The following SGCD variants were observed in gnomAD, a reference collection of about 807,000 sequenced individuals.
SGCD encodes sarcoglycan delta, also known as delta-sarcoglycan.
A neutral mutation model predicts 36.6 loss-of-function variants in SGCD; 18 were observed. The observed-to-expected ratio is 0.49, with a 90% CI of 0.34 to 0.73. The LOEUF (loss-of-function observed/expected upper bound fraction) is 0.73. Ranked by LOEUF, SGCD falls within the 30% of genes least tolerant of loss-of-function variation. The pLI is 0.01. For synonymous variants in SGCD, 133 were observed against 130.6 expected (o/e 1.02, Z -0.12); for missense variants, 387 against 346.7 (o/e 1.12, Z -0.92).
At chr5:156,312,350 T>C (rs948155951) in intron 3 of SGCD, among the ~76,000 whole-genome samples, 2 of 152,216 alleles carry the variant, frequency 1.3e-5, no homozygotes, top group African/African-American at 4.8e-5. Context: ...GTCACTTCCT[T>C]GAACATAAAT....
chr5:155,820,802 A>C, the SGCD span, among the ~76,000 whole-genome samples: 1 of 152,190 alleles, frequency 6.6e-6, no homozygotes, highest in East Asian at 1.9e-4. Context: ...GAACATTTAT[A>C]TTCCAAGTGA....
intron 3 of SGCD, among the ~76,000 whole-genome samples, chr5:156,193,681 G>C (rs566349196): frequency 1.2e-4 from 19 of 152,300 alleles, no homozygotes. Context: ...GTCTGCTCCT[G>C]TCAGTGGAGA....
intron 2 of SGCD, among the ~76,000 whole-genome samples, chr5:156,342,597 G>A (rs954570762): frequency 6.6e-6 from 1 of 151,790 alleles, no homozygotes; most frequent in Non-Finnish European, 1.5e-5. Context: ...AAAGGCCAGT[G>A]ATTGATGACT....
In SGCD at chr5:156,553,178, C is replaced by T. The variant is rs75402716; in HGVS notation, c.295-36053C>T. On this transcript the variant is annotated intron_variant, in intron 4 of 8. Transcript: ENST00000337851. ...AGCAGAGTGAGAAGTCACTCACCCCCAATGGAGGGCATTCATCTGTTCATG... is the reference window on the plus strand; with the variant it reads ...AGCAGAGTGAGAAGTCACTCACCCCTAATGGAGGGCATTCATCTGTTCATG... Among the ~76,000 whole-genome samples, 1,322 of 152,268 alleles carry T rather than the reference C, an allele frequency of 8.7e-3. 8 individuals are homozygous for T. Among genetic ancestry groups the T allele is most frequent in the African/African-American group, 0.03 (1,250 of 41,552 alleles).
At chr5:156,639,267 G>A (rs933312910) in intron 6 of SGCD, among the ~76,000 whole-genome samples, 19 of 152,138 alleles carry the variant, frequency 1.2e-4, no homozygotes, top group African/African-American at 4.6e-4. Flanking sequence ...TAAGGAAACT[G>A]AAGCTAGAAG....
intron 3 of SGCD, among the ~76,000 whole-genome samples, chr5:156,348,439 G>A (rs1348212367): frequency 5.3e-5 from 8 of 152,082 alleles, no homozygotes; most frequent in Admixed American, 3.3e-4. Context: ...GTACACAAAT[G>A]AGCAGCACTG....
chr5:156,141,229 G>A lies in SGCD; in HGVS notation c.-44+17210G>A, dbSNP rs137885266. On this transcript the variant is annotated intron_variant, in intron 3 of 9. Transcript: ENST00000517913. ...CCAGGCAGAGAATTGCCACAGGGGCGGGAAGGCAAGAGCGTCCCTACTAGG... is the reference window on the plus strand; with the variant it reads ...CCAGGCAGAGAATTGCCACAGGGGCAGGAAGGCAAGAGCGTCCCTACTAGG... 4.6e-3 allele frequency among the ~76,000 whole-genome samples: 706 copies of A among 152,298 alleles called. 4 individuals are homozygous for A. Among genetic ancestry groups the A allele is most frequent in the African/African-American group, 0.013 (524 of 41,560 alleles).
intron 4 of SGCD, among the ~76,000 whole-genome samples, chr5:156,565,779 G>A (rs758747013): frequency 6.6e-6 from 1 of 151,666 alleles, no homozygotes; most frequent in Admixed American, 6.6e-5. Flanking sequence ...TCCCACTTAT[G>A]AGTGAGAACA....
At chr5:156,435,258 C>A (rs968925916) in intron 3 of SGCD, among the ~76,000 whole-genome samples, 1 of 152,262 alleles carries the variant, frequency 6.6e-6, no homozygotes, top group African/African-American at 2.4e-5. Context: ...CACAGCTTAA[C>A]GCATTTTAAT....
intron 3 of SGCD, among the ~76,000 whole-genome samples, chr5:156,249,161 G>T (rs2127659844): frequency 6.6e-6 from 1 of 152,314 alleles, no homozygotes; most frequent in Non-Finnish European, 1.5e-5. Flanking sequence ...AGATTATGGA[G>T]TCACACAAGA....
intron 3 of SGCD, among the ~76,000 whole-genome samples, chr5:156,256,467 G>T (rs1765720516): frequency 6.6e-6 from 1 of 152,050 alleles, no homozygotes; most frequent in African/African-American, 2.4e-5. Flanking sequence ...TTAACATCAT[G>T]CTTTCGACCA....
At chr5:156,687,807 G>A (rs32070) in intron 7 of SGCD, among the ~76,000 whole-genome samples, 139,604 of 152,300 alleles carry the variant, frequency 0.92, 64,159 homozygotes, top group East Asian at 0.99. Flanking sequence ...CTTCTCCCAA[G>A]CTGATCACCA....
intron 1 of SGCD, among the ~76,000 whole-genome samples, chr5:155,902,852 A>G (rs975754647): frequency 3.9e-5 from 6 of 152,312 alleles, no homozygotes; most frequent in African/African-American, 1.4e-4. Flanking sequence ...ACAGATCCCC[A>G]AGTTTATTTT....
chr5:156,647,840 T>C (rs1258549066), intron 7 of SGCD, among the ~76,000 whole-genome samples: 2 of 152,154 alleles, frequency 1.3e-5, no homozygotes, highest in Admixed American at 6.6e-5. Context: ...AACTAGTTGG[T>C]AATTGGTGCT....
the SGCD span, among the ~76,000 whole-genome samples, chr5:155,851,986 A>T: frequency 0.05 from 7,663 of 152,178 alleles, 319 homozygotes; most frequent in East Asian, 0.13. Flanking sequence ...TGTCATTTCC[A>T]TATGGACAAC....
chr5:156,445,971 T>C (rs1028687331), intron 3 of SGCD, among the ~76,000 whole-genome samples: 1 of 151,946 alleles, frequency 6.6e-6, no homozygotes, highest in Admixed American at 6.6e-5. Context: ...GAGAGAAAAA[T>C]GTAAAAATAG....
chr5:156,684,700 G>A (rs1268485712), intron 7 of SGCD, among the ~76,000 whole-genome samples: 1 of 152,182 alleles, frequency 6.6e-6, no homozygotes, highest in African/African-American at 2.4e-5. Flanking sequence ...AAAAGACCAG[G>A]ACAGTCTACA....
intron 4 of SGCD, among the ~76,000 whole-genome samples, chr5:156,571,216 T>C (rs1345743182): frequency 1.3e-5 from 2 of 152,128 alleles, no homozygotes; most frequent in Non-Finnish European, 2.9e-5. Context: ...CAGCTAATTA[T>C]TGTATTTTTA....
chr5:156,249,779 C>T (rs1313362220), intron 3 of SGCD, among the ~76,000 whole-genome samples: 1 of 151,222 alleles, frequency 6.6e-6, no homozygotes, highest in Non-Finnish European at 1.5e-5. Flanking sequence ...ACATAATCAA[C>T]TGTATATATA....
Sources: allele counts gnomAD v4.1 joint callset (sites outside exome capture counted in the v4.1 genomes callset), GRCh38; gene constraint gnomAD v4.1.1; transcripts MANE v1.5; gene names NCBI Gene and HGNC (gene_info 2026-07-23, HGNC 2026-07-21).